The following UNCX variants were observed in gnomAD, a reference collection of about 807,000 sequenced individuals.
UNCX encodes the protein UNC homeobox.
Under a neutral mutation model 14.8 loss-of-function variants are expected in UNCX, and 4 were observed. That is an observed-to-expected ratio of 0.27 (90% CI 0.13 to 0.62). The LOEUF (loss-of-function observed/expected upper bound fraction) is 0.62. UNCX is among the 20% of genes least tolerant of loss of function. The pLI is 0.86. For synonymous variants in UNCX, 459 were observed against 395.8 expected (o/e 1.16, Z -1.90); for missense variants, 749 against 786.8 (o/e 0.95, Z 0.58).
At chr7:1,235,021 C>G (rs974527628) in intron 2 of UNCX, among the ~76,000 whole-genome samples, 1 of 152,174 alleles carries the variant, frequency 6.6e-6, no homozygotes, top group South Asian at 2.1e-4. Context: ...GTAGCGCTGC[C>G]GTCCCCGGAT....
At position 1,233,849 on chromosome 7, in the gene UNCX, G is replaced by C. The variant is rs6966150; in HGVS notation, c.450+154G>C. 0.96 allele frequency among the ~76,000 whole-genome samples: 146,620 copies of C among 152,326 alleles called. 70,802 individuals carry two copies. Among genetic ancestry groups the C allele is most frequent in the Non-Finnish European group, 1 (68,004 of 68,042 alleles). On this transcript the variant is annotated intron_variant, in intron 2 of 2. Coordinates refer to ENST00000316333, the MANE Select transcript of UNCX (RefSeq NM_001080461.3). This position sits in a 1 kb window ranked among gnomAD's most constrained non-coding sequence, Gnocchi z 5.3. ...GGAAGAGTGGAGGGGTGGGGGTTCT[G>C]GGGCTCGGCCCCTCACGGACAGCGG... is the stretch of plus-strand genomic sequence containing the variant.
rs558947026 is a variant in UNCX, at chr7:1,233,987, G to T, written c.450+292G>T. Reference sequence around the variant, plus strand: ...CCGGGAAGCGGCGTGGTGGGTTGGCGGAGGCCGGGCCAAGTGAGGTCTCCA... The same window carrying T: ...CCGGGAAGCGGCGTGGTGGGTTGGCTGAGGCCGGGCCAAGTGAGGTCTCCA... On this transcript the variant is annotated intron_variant, in intron 2 of 2. Transcript: ENST00000316333. The surrounding 1 kb of genome is among the most constrained non-coding windows in gnomAD (Gnocchi z 5.3). Among the ~76,000 whole-genome samples the T allele has an allele frequency of 6.6e-6, 1 of 152,236 alleles. No homozygotes were observed. Among genetic ancestry groups the T allele is most frequent in the Admixed American group, 6.5e-5 (1 of 15,292 alleles).
Position 1,236,495 on chromosome 7 carries a change from C to A in UNCX, c.1114C>A (p.Leu372Met). The change falls in exon 3 of 3, where the codon CTG becomes ATG. Residue 372 changes from leucine (L) to methionine (M), a missense_variant. Physicochemically the swap from Leu to Met is conservative, Grantham distance 15 (BLOSUM62 2). Coordinates refer to ENST00000316333, the MANE Select transcript of UNCX (RefSeq NM_001080461.3). The surrounding 1 kb of genome is among the most constrained non-coding windows in gnomAD (Gnocchi z 6.9). ...APGLPCAPRT[L>M]IGKGHFLLYP... ...CGGGCTGCCGTGCGCGCCGCGGACC[C>A]TGATCGGCAAGGGCCACTTCCTCCT... The A allele has an allele frequency of 1.4e-6, 2 of 1,403,588 alleles. No individual in the cohort carries two copies. Among genetic ancestry groups the A allele is most frequent in the South Asian group, 1.4e-5 (1 of 73,092 alleles). 86.9% of individuals were successfully genotyped at this position (1,403,588 alleles called of 1,614,324 possible). A position where few individuals can be genotyped will look rare whatever the true frequency, so the allele number is the denominator to read the frequency against.
chr7:1,233,335 G>T lies in UNCX; in HGVS notation c.274+44G>T. On this transcript the variant is annotated intron_variant, in intron 1 of 2. Transcript: ENST00000316333. The surrounding 1 kb of genome is among the most constrained non-coding windows in gnomAD (Gnocchi z 5.3). ...AGGGCGGGGAGGAGTGCGGCTGGGG[G>T]CGGGGGCCCTGGTCCGGCCGAGGCG... 1.5e-6 allele frequency: 2 copies of T among 1,323,350 alleles called. No homozygotes were observed. The highest frequency in any genetic ancestry group is 1.9e-6 in the Non-Finnish European group (2 of 1,043,304). 82.0% of individuals were successfully genotyped at this position (1,323,350 alleles called of 1,614,324 possible). A position where few individuals can be genotyped will look rare whatever the true frequency, so the allele number is the denominator to read the frequency against.
Position 1,233,547 on chromosome 7 carries a change from C to T in UNCX, c.302C>T (p.Pro101Leu), listed in dbSNP as rs1267483952. The part of the protein sequence containing the change: ...SDSGDPDKES[P>L]GCKRRRTRTN... ...TCGGGGGACCCGGACAAGGAGAGCCCGGGCTGCAAGCGGCGGCGCACCCGC... is the reference window on the plus strand; with the variant it reads ...TCGGGGGACCCGGACAAGGAGAGCCTGGGCTGCAAGCGGCGGCGCACCCGC... Residue 101 changes from proline to leucine, a missense_variant, in exon 2 of 3, where the codon CCG (proline) becomes CTG (leucine). Transcript: ENST00000316333. This position sits in a 1 kb window ranked among gnomAD's most constrained non-coding sequence, Gnocchi z 5.3. 2 of 1,612,596 alleles carry T rather than the reference C, an allele frequency of 1.2e-6. No individual in the cohort carries two copies. Among genetic ancestry groups the T allele is most frequent in the Non-Finnish European group, 8.5e-7 (1 of 1,179,770 alleles).
chr7:1,234,390 G>A (rs144735975), intron 2 of UNCX, among the ~76,000 whole-genome samples: 3 of 152,200 alleles, frequency 2.0e-5, no homozygotes, highest in African/African-American at 7.2e-5. Context: ...AAAATACAGT[G>A]TCAGCTTGGT....
chr7:1,233,424 C>T lies in UNCX; in HGVS notation c.275-96C>T. 1.4e-6 allele frequency: 2 copies of T among 1,382,930 alleles called. No individual in the cohort carries two copies. Among genetic ancestry groups the T allele is most frequent in the South Asian group, 1.6e-5 (1 of 61,048 alleles). 85.7% of individuals were successfully genotyped at this position (1,382,930 alleles called of 1,614,324 possible). On this transcript the variant is annotated intron_variant, in intron 1 of 2. Coordinates refer to ENST00000316333, the MANE Select transcript of UNCX (RefSeq NM_001080461.3). This position sits in a 1 kb window ranked among gnomAD's most constrained non-coding sequence, Gnocchi z 5.3. ...AGGCGGCCGTCTCTGCGCCCCCCCCCCCGGATCCAGGCGGCCAGCGGGTAG... is the reference window on the plus strand; with the variant it reads ...AGGCGGCCGTCTCTGCGCCCCCCCCTCCGGATCCAGGCGGCCAGCGGGTAG...
Position 1,233,577 on chromosome 7 carries a change from A to G in UNCX, c.332A>G (p.Asn111Ser). The part of the protein sequence containing the change: ...PGCKRRRTRT[N>S]FTGWQLEELE... ...TGCAAGCGGCGGCGCACCCGCACCA[A>G]CTTCACCGGCTGGCAGCTGGAGGAG... is the stretch of plus-strand genomic sequence containing the variant. Residue 111 changes from asparagine (N) to serine (S), a missense_variant, in exon 2 of 3, where the codon AAC becomes AGC. By Grantham distance (46) the Asn-to-Ser change is conservative. Coordinates refer to ENST00000316333, the MANE Select transcript of UNCX (RefSeq NM_001080461.3). The surrounding 1 kb of genome is among the most constrained non-coding windows in gnomAD (Gnocchi z 5.3). 6.2e-7 allele frequency: 1 copy of G among 1,612,984 alleles called. No individual in the cohort carries two copies. The highest frequency in any genetic ancestry group is 8.5e-7 in the Non-Finnish European group (1 of 1,179,864).
rs551339262 is a variant in UNCX, at chr7:1,233,801, C to G, written c.450+106C>G. ...CGAGATATCGTCCCCTTGCCGCGGGCCCGCTTCGCGCTCGCCTGCTGGGGA... is the reference window on the plus strand; with the variant it reads ...CGAGATATCGTCCCCTTGCCGCGGGGCCGCTTCGCGCTCGCCTGCTGGGGA... On this transcript the variant is annotated intron_variant, in intron 2 of 2. Coordinates refer to ENST00000316333, the MANE Select transcript of UNCX (RefSeq NM_001080461.3). This position sits in a 1 kb window ranked among gnomAD's most constrained non-coding sequence, Gnocchi z 5.3. 2.5e-5 allele frequency: 35 copies of G among 1,389,042 alleles called. No individual in the cohort carries two copies. Among genetic ancestry groups the G allele is most frequent in the Non-Finnish European group, 3.4e-5 (35 of 1,042,106 alleles). 86.0% of individuals were successfully genotyped at this position (1,389,042 alleles called of 1,614,324 possible). A position where few individuals can be genotyped will look rare whatever the true frequency, so the allele number is the denominator to read the frequency against.
chr7:1,234,657 T>G (rs1778706461), intron 2 of UNCX, among the ~76,000 whole-genome samples: 1 of 146,418 alleles, frequency 6.8e-6, no homozygotes, highest in African/African-American at 2.5e-5. Context: ...TCCAATTTGT[T>G]CTAAGTGTCT....
rs1186765059 is a variant in UNCX at position 1,233,814 on chromosome 7, C to A, written c.450+119C>A. On this transcript the variant is annotated intron_variant, in intron 2 of 2. Transcript: ENST00000316333. The surrounding 1 kb of genome is among the most constrained non-coding windows in gnomAD (Gnocchi z 5.3). ...CCTTGCCGCGGGCCCGCTTCGCGCT[C>A]GCCTGCTGGGGAAGAGTGGAGGGGT... is the stretch of plus-strand genomic sequence containing the variant. 3.1e-6 allele frequency: 4 copies of A among 1,285,916 alleles called. No individual in the cohort carries two copies. Among genetic ancestry groups the A allele is most frequent in the African/African-American group, 3.1e-5 (2 of 65,366 alleles). 79.7% of individuals were successfully genotyped at this position (1,285,916 alleles called of 1,614,324 possible).
In UNCX at chr7:1,233,302, C is replaced by T. The variant is rs1408409172; in HGVS notation, c.274+11C>T. 4.4e-6 allele frequency: 3 copies of T among 677,600 alleles called. No individual in the cohort carries two copies. Among genetic ancestry groups the T allele is most frequent in the South Asian group, 2.9e-5 (1 of 34,940 alleles). 42.0% of individuals were successfully genotyped at this position (677,600 alleles called of 1,614,324 possible). A position where few individuals can be genotyped will look rare whatever the true frequency, so the allele number is the denominator to read the frequency against. ...CCTTCAAGCTGTCAGGTAGGCGCGG[C>T]GGGCGGGAGGGCGGGGAGGAGTGCG... is the stretch of plus-strand genomic sequence containing the variant. On this transcript the variant is annotated intron_variant, in intron 1 of 2. Transcript: ENST00000316333. The surrounding 1 kb of genome is among the most constrained non-coding windows in gnomAD (Gnocchi z 5.3).
Position 1,233,532 on chromosome 7 carries a change from C to T in UNCX, c.287C>T (p.Pro96Leu), listed in dbSNP as rs760529225. The change falls in exon 2 of 3, where the codon CCG (proline) becomes CTG (leucine). Residue 96 changes from proline to leucine, a missense_variant. Pro to Leu is a moderately conservative substitution (Grantham distance 98). Transcript: ENST00000316333. The surrounding 1 kb of genome is among the most constrained non-coding windows in gnomAD (Gnocchi z 5.3). Reference sequence around the variant, plus strand: ...TGACTGCCCGCAGACTCGGGGGACCCGGACAAGGAGAGCCCGGGCTGCAAG... The same window carrying T: ...TGACTGCCCGCAGACTCGGGGGACCTGGACAAGGAGAGCCCGGGCTGCAAG... ...QPFKLSDSGD[P>L]DKESPGCKRR... 7 of 1,611,594 alleles carry T rather than the reference C, an allele frequency of 4.3e-6. No homozygotes were observed. The highest frequency in any genetic ancestry group is 5.9e-6 in the Non-Finnish European group (7 of 1,179,604).
rs756324440 is a variant in UNCX, at chr7:1,233,705, C to G, written c.450+10C>G. On this transcript the variant is annotated intron_variant, in intron 2 of 2. Transcript: ENST00000316333. The surrounding 1 kb of genome is among the most constrained non-coding windows in gnomAD (Gnocchi z 5.3). Reference sequence around the variant, plus strand: ...CGAGTCCCGAGTTCAGGTAAAGACCCGGCGTCGCTCCCGGATCTGCCATCC... The same window carrying G: ...CGAGTCCCGAGTTCAGGTAAAGACCGGGCGTCGCTCCCGGATCTGCCATCC... 6.3e-5 allele frequency: 100 copies of G among 1,583,956 alleles called. 1 individual carries two copies. The highest frequency in any genetic ancestry group is 1.5e-5 in the Non-Finnish European group (18 of 1,161,368).
rs1778747090 is a variant in UNCX, at chr7:1,236,575, C to G, written c.1194C>G (p.Gly398=). ...GFLVPQAALK[G]GAGLEPAPKD... is the part of the protein sequence containing the mutation. The stretch of plus-strand genomic sequence containing the variant: ...TGGTGCCGCAGGCCGCGCTCAAGGG[C>G]GGCGCGGGCCTGGAGCCGGCGCCCA... The change falls in exon 3 of 3, where the codon GGC becomes GGG. Residue 398 remains glycine, a synonymous_variant. Transcript: ENST00000316333. This position sits in a 1 kb window ranked among gnomAD's most constrained non-coding sequence, Gnocchi z 6.9. 1 of 1,291,604 alleles carries G rather than the reference C, an allele frequency of 7.7e-7. No individual in the cohort carries two copies. Among genetic ancestry groups the G allele is most frequent in the East Asian group, 4.2e-5 (1 of 23,534 alleles). The allele number at this position is 1,291,604 out of a possible 1,614,324, so 80.0% of individuals were successfully genotyped here.
chr7:1,233,803 C>G lies in UNCX; in HGVS notation c.450+108C>G, dbSNP rs1778690181. ...AGATATCGTCCCCTTGCCGCGGGCC[C>G]GCTTCGCGCTCGCCTGCTGGGGAAG... is the stretch of plus-strand genomic sequence containing the variant. On this transcript the variant is annotated intron_variant, in intron 2 of 2. Coordinates refer to ENST00000316333, the MANE Select transcript of UNCX (RefSeq NM_001080461.3). This position sits in a 1 kb window ranked among gnomAD's most constrained non-coding sequence, Gnocchi z 5.3. 3 of 1,358,412 alleles carry G rather than the reference C, an allele frequency of 2.2e-6. No individual in the cohort carries two copies. Among genetic ancestry groups the G allele is most frequent in the Non-Finnish European group, 2.0e-6 (2 of 1,020,376 alleles). 84.1% of individuals were successfully genotyped at this position (1,358,412 alleles called of 1,614,324 possible).
Position 1,236,339 on chromosome 7 carries a change from G to A in UNCX, c.958G>A (p.Glu320Lys). 7.7e-7 allele frequency: 1 copy of A among 1,296,670 alleles called. No homozygotes were observed. Among genetic ancestry groups the A allele is most frequent in the Non-Finnish European group, 9.8e-7 (1 of 1,022,228 alleles). 80.3% of individuals were successfully genotyped at this position (1,296,670 alleles called of 1,614,324 possible). ...CGPGAAVAAVERGAAGLPKAS... is the reference protein window; with the variant it reads ...CGPGAAVAAVKRGAAGLPKAS... ...GCCAGGGGCCGCTGTGGCGGCGGTGGAGCGCGGCGCCGCGGGGCTGCCCAA... is the reference window on the plus strand; with the variant it reads ...GCCAGGGGCCGCTGTGGCGGCGGTGAAGCGCGGCGCCGCGGGGCTGCCCAA... The change falls in exon 3 of 3, where the codon GAG becomes AAG. Residue 320 changes from glutamate to lysine, a missense_variant. Physicochemically the swap from Glu to Lys is moderately conservative, Grantham distance 56 (BLOSUM62 1). This residue lies in a region of UNCX where 552 missense variants were observed against 507.2 expected (regional missense o/e 1.09). Coordinates refer to ENST00000316333, the MANE Select transcript of UNCX (RefSeq NM_001080461.3). The surrounding 1 kb of genome is among the most constrained non-coding windows in gnomAD (Gnocchi z 6.9).
chr7:1,235,215 A>C (rs964395663), intron 2 of UNCX, among the ~76,000 whole-genome samples: 2 of 152,210 alleles, frequency 1.3e-5, no homozygotes, highest in Admixed American at 6.5e-5. Context: ...TTGCGGAAAG[A>C]AGGCTGTGTT....
In UNCX at chr7:1,235,898, C is replaced by T; in HGVS notation, c.517C>T (p.Pro173Ser). The change falls in exon 3 of 3, where the codon CCG becomes TCG. Residue 173 changes from proline (P) to serine (S), a missense_variant. By Grantham distance (74) the Pro-to-Ser change is moderately conservative (BLOSUM62 -1). This residue lies in a region of UNCX where 42 missense variants were observed against 112.9 expected (regional missense o/e 0.37). Coordinates refer to ENST00000316333, the MANE Select transcript of UNCX (RefSeq NM_001080461.3). ...KENTKKGPGRPAHNSHPTTCS... is the reference protein window; with the variant it reads ...KENTKKGPGRSAHNSHPTTCS... ...GAACACGAAAAAGGGCCCGGGGCGG[C>T]CGGCGCACAACTCGCACCCGACCAC... 1 of 1,612,320 alleles carries T rather than the reference C, an allele frequency of 6.2e-7. No individual in the cohort carries two copies. Among genetic ancestry groups the T allele is most frequent in the Middle Eastern group, 1.8e-4 (1 of 5,634 alleles).
Sources: allele counts gnomAD v4.1 joint callset (sites outside exome capture counted in the v4.1 genomes callset), GRCh38; gene constraint gnomAD v4.1.1; regional missense constraint gnomAD v4.1.1; non-coding constraint Gnocchi (gnomAD v3.1); transcripts MANE v1.5; gene names NCBI Gene and HGNC (gene_info 2026-07-23, HGNC 2026-07-21).